Variants in ANKRD27 observed in about 807,000 individuals in gnomAD.
ANKRD27 encodes ankyrin repeat domain-containing protein 27.
Under a neutral mutation model 129.7 loss-of-function variants are expected in ANKRD27, and 112 were observed. The ratio of observed to expected loss-of-function variants is 0.86; its 90% CI spans 0.74 to 1.01. The LOEUF (loss-of-function observed/expected upper bound fraction) is 1.01, where lower values mean the gene tolerates loss of function less well. ANKRD27 is among the 50% of genes least tolerant of loss of function. The pLI is 0.00. For missense variants in ANKRD27, 1,258 were observed against 1,300.5 expected (o/e 0.97, Z 0.50); for synonymous variants, 516 against 511.2 (o/e 1.01, Z -0.13).
At chr19:32,667,295 A>T (rs1208839372) in intron 1 of ANKRD27, among the ~76,000 whole-genome samples, 2 of 152,256 alleles carry the variant, frequency 1.3e-5, no homozygotes, top group Non-Finnish European at 2.9e-5. Context: ...CAACAATTAC[A>T]CATAATGGCT....
At chr19:32,603,271 ACT>A (rs1412091776) in intron 25 of ANKRD27, among the ~76,000 whole-genome samples, 2 of 152,070 alleles carry the variant, frequency 1.3e-5, no homozygotes, top group African/African-American at 2.4e-5. Flanking sequence ...ACAGAGCAAG[ACT>A]CTGTCTTAAG....
chr19:32,608,696 A>G (rs7258397), intron 22 of ANKRD27, among the ~76,000 whole-genome samples: 26,671 of 152,084 alleles, frequency 0.18, 2,783 homozygotes, highest in African/African-American at 0.29. Flanking sequence ...TCATGCCTGT[A>G]ATCCCAACAC....
chr19:32,656,117 GA>G (rs376049848), intron 2 of ANKRD27, among the ~76,000 whole-genome samples: 2,116 of 115,308 alleles, frequency 0.018, 58 homozygotes, highest in African/African-American at 0.061. Context: ...GAAAAGAAAA[GA>G]AAAGAAAAGA....
At chr19:32,664,972 T>A (rs997831786) in intron 1 of ANKRD27, among the ~76,000 whole-genome samples, 1 of 151,816 alleles carries the variant, frequency 6.6e-6, no homozygotes, top group Non-Finnish European at 1.5e-5. Context: ...CATTTTTTTA[T>A]TCTTAAGTCT....
chr19:32,605,918 T>C lies in ANKRD27; in HGVS notation c.2410A>G (p.Asn804Asp). The C allele has an allele frequency of 3.7e-6, 6 of 1,613,994 alleles. No homozygotes were observed. The highest frequency in any genetic ancestry group is 5.1e-6 in the Non-Finnish European group (6 of 1,179,976). Residue 804 changes from asparagine to aspartate, a missense_variant, in exon 24 of 29, where the codon AAT becomes GAT. Transcript: ENST00000306065. The stretch of plus-strand genomic sequence containing the variant: ...GTGTTTCCACTGAGGTCCTTCTTAT[T>C]GGGTTTTGCATTCGAATCTAACAGA... ...KCLLDSNAKP[N>D]KKDLSGNTPL...
chr19:32,621,262 A>G (rs1972006217), intron 18 of ANKRD27, among the ~76,000 whole-genome samples: 2 of 152,222 alleles, frequency 1.3e-5, no homozygotes, highest in Non-Finnish European at 2.9e-5. Flanking sequence ...TGAGAGGATC[A>G]CTTGAGGCCA....
chr19:32,599,271 A>T (rs1971614737), intron 28 of ANKRD27, among the ~76,000 whole-genome samples: 1 of 152,060 alleles, frequency 6.6e-6, no homozygotes, highest in Non-Finnish European at 1.5e-5. Context: ...ACAGAGCAAG[A>T]CTCTGTCTCA....
At chr19:32,634,803 T>A (rs1201061507) in intron 12 of ANKRD27, among the ~76,000 whole-genome samples, 1 of 151,964 alleles carries the variant, frequency 6.6e-6, no homozygotes, top group Non-Finnish European at 1.5e-5. Flanking sequence ...TAGTCCCAGG[T>A]ACTTGGGAGG....
At chr19:32,656,604 T>G (rs934480759) in intron 2 of ANKRD27, among the ~76,000 whole-genome samples, 1 of 110,026 alleles carries the variant, frequency 9.1e-6, no homozygotes, top group South Asian at 2.7e-4. Flanking sequence ...CTGGGCAACA[T>G]AGTGAGACCC....
chr19:32,658,839 C>T, intron 2 of ANKRD27, 75 bp downstream of exon 2: 1 of 1,257,240 alleles, frequency 8.0e-7, no homozygotes, highest in South Asian at 1.2e-5. Context: ...AAACTCCCTC[C>T]AAACTGAGCC....
chr19:32,651,815 A>C (rs1001142279), intron 2 of ANKRD27, among the ~76,000 whole-genome samples: 6 of 152,126 alleles, frequency 3.9e-5, no homozygotes, highest in Non-Finnish European at 8.8e-5. Context: ...TGTCAAGCAC[A>C]CTGCTGGACA....
rs868854404 is a variant in ANKRD27, at chr19:32,665,291, T to A, written c.-30-6246A>T. Reference sequence around the variant, plus strand: ...TTGGACCCGCACTAAATTCATGAATTTTTTTTTTTTTTTTTTGAGACAGAG... The same window carrying A: ...TTGGACCCGCACTAAATTCATGAATATTTTTTTTTTTTTTTTGAGACAGAG... On this transcript the variant is annotated intron_variant, in intron 1 of 28. Coordinates refer to ENST00000306065, the MANE Select transcript of ANKRD27 (RefSeq NM_032139.3). Among the ~76,000 whole-genome samples, 110 of 29,728 alleles carry A rather than the reference T, an allele frequency of 3.7e-3. 1 individual carries two copies. The highest frequency in any genetic ancestry group is 0.033 in the Middle Eastern group (1 of 30). 19.5% of individuals were successfully genotyped at this position (29,728 alleles called of 152,430 possible). A position where few individuals can be genotyped will look rare whatever the true frequency, so the allele number is the denominator to read the frequency against.
In ANKRD27 at chr19:32,631,467, A is replaced by T. The variant is rs78726927; in HGVS notation, c.1144T>A (p.Phe382Ile). Residue 382 changes from phenylalanine (F) to isoleucine (I), a missense_variant, in exon 13 of 29, where the codon TTC becomes ATC. Coordinates refer to ENST00000306065, the MANE Select transcript of ANKRD27 (RefSeq NM_032139.3). ...PESEGFGDRL[F>I]LKQRMSLLSQ... Reference sequence around the variant, plus strand: ...AGTAAGCTCATTCTCTGCTTAAGGAACAGCCTGTCTCCAAATCCCTCAGAC... The same window carrying T: ...AGTAAGCTCATTCTCTGCTTAAGGATCAGCCTGTCTCCAAATCCCTCAGAC... 4 of 1,613,976 alleles carry T rather than the reference A, an allele frequency of 2.5e-6. No individual in the cohort carries two copies. Among genetic ancestry groups the T allele is most frequent in the Non-Finnish European group, 3.4e-6 (4 of 1,180,006 alleles).
In ANKRD27 at chr19:32,639,402, G is replaced by C. The variant is rs900002928; in HGVS notation, c.1070C>G (p.Ala357Gly). The C allele has an allele frequency of 6.2e-7, 1 of 1,614,206 alleles. No individual in the cohort carries two copies. Among genetic ancestry groups the C allele is most frequent in the Admixed American group, 1.7e-5 (1 of 60,022 alleles). The change falls in exon 12 of 29, where the codon GCT becomes GGT. Residue 357 changes from alanine (A) to glycine (G), a missense_variant. Coordinates refer to ENST00000306065, the MANE Select transcript of ANKRD27 (RefSeq NM_032139.3). Reference protein sequence around the residue: ...ELGYCLTSFEAAIEYIRQGSL... With the variant: ...ELGYCLTSFEGAIEYIRQGSL... Reference sequence around the variant, plus strand: ...TCCTTGCCGAATATATTCAATGGCAGCTTCGAATGAGGTCAGGCAGTATCC... The same window carrying C: ...TCCTTGCCGAATATATTCAATGGCACCTTCGAATGAGGTCAGGCAGTATCC...
At chr19:32,635,745 G>A (rs1245048457) in intron 12 of ANKRD27, among the ~76,000 whole-genome samples, 2 of 152,066 alleles carry the variant, frequency 1.3e-5, no homozygotes, top group Non-Finnish European at 2.9e-5. Context: ...GCTGAGTGGG[G>A]TGATTAAATC....
rs1419978112 is a variant in ANKRD27 at position 32,646,496 on chromosome 19, C to A, written c.333G>T (p.Leu111=). 2 of 1,614,052 alleles carry A rather than the reference C, an allele frequency of 1.2e-6. No individual in the cohort carries two copies. The highest frequency in any genetic ancestry group is 1.7e-6 in the Non-Finnish European group (2 of 1,180,024). Residue 111 remains leucine (L), a synonymous_variant, in exon 4 of 29, where the codon CTG becomes CTT. Coordinates refer to ENST00000306065, the MANE Select transcript of ANKRD27 (RefSeq NM_032139.3). ...YNEKEESFSI[L]CIAHPLEKRE... is the part of the protein sequence containing the mutation. The stretch of plus-strand genomic sequence containing the variant: ...TCTTTTCCAAAGGATGGGCTATACA[C>A]AGGATGCTGAAACTCTCTTCTTTTT...
chr19:32,623,103 T>A (rs913776428), intron 17 of ANKRD27, among the ~76,000 whole-genome samples: 1 of 152,130 alleles, frequency 6.6e-6, no homozygotes, highest in African/African-American at 2.4e-5. Flanking sequence ...GGACACCTCA[T>A]GCTTTCAAAA....
chr19:32,637,085 T>C (rs1169412031), intron 12 of ANKRD27, among the ~76,000 whole-genome samples: 2 of 152,078 alleles, frequency 1.3e-5, no homozygotes, highest in Non-Finnish European at 1.5e-5. Flanking sequence ...AAAATATACA[T>C]GGGTAGGAAA....
intron 2 of ANKRD27, 51 bp downstream of exon 2, chr19:32,658,863 T>A (rs760655574): frequency 1.4e-6 from 2 of 1,433,154 alleles, no homozygotes; most frequent in Non-Finnish European, 2.0e-6. Context: ...GTCTACCACG[T>A]CTCTGGAACC....
Sources: gnomAD v4.1 joint callset for allele counts (sites outside exome capture counted in the v4.1 genomes callset) on GRCh38, gnomAD v4.1.1 for gene constraint, MANE v1.5 for transcripts, NCBI Gene and HGNC (gene_info 2026-07-23, HGNC 2026-07-21) for gene names.